CYB5R4: variants seen among roughly 807,000 people sequenced by gnomAD.
The protein encoded by CYB5R4 is cytochrome b5 reductase 4, also known as N-terminal cytochrome b5 and cytochrome b5 oxidoreductase domain-containing protein.
Under a neutral mutation model 70.2 loss-of-function variants are expected in CYB5R4, and 55 were observed. That is an observed-to-expected ratio of 0.78 (90% CI 0.63 to 0.98). The LOEUF is 0.98. Among genes scored for constraint, CYB5R4 ranks in the 50% least tolerant of loss-of-function variants. CYB5R4 has a pLI of 0.00. For synonymous variants in CYB5R4, 197 were observed against 199.5 expected (o/e 0.99, Z 0.11); for missense variants, 562 against 612.6 (o/e 0.92, Z 0.87).
intron 3 of CYB5R4, among the ~76,000 whole-genome samples, chr6:83,905,828 C>T (rs2099463677): frequency 1.3e-5 from 2 of 151,962 alleles, no homozygotes; most frequent in South Asian, 4.1e-4. Flanking sequence ...GTGGTACACG[C>T]TTATGTTGGT....
At chr6:83,892,252 G>A (rs1267952692) in intron 2 of CYB5R4, among the ~76,000 whole-genome samples, 13 of 152,130 alleles carry the variant, frequency 8.5e-5, no homozygotes, top group Non-Finnish European at 5.9e-5. Flanking sequence ...AAGCTGGACT[G>A]GTTGGTTATT....
chr6:83,921,012 A>G, intron 7 of CYB5R4, 70 bp from the exon 8 acceptor site: 1 of 1,190,326 alleles, frequency 8.4e-7, no homozygotes. Flanking sequence ...GATCACCTTA[A>G]AAGTATAGTT....
chr6:83,861,171 A>G (rs2099455870), intron 1 of CYB5R4, among the ~76,000 whole-genome samples: 1 of 152,214 alleles, frequency 6.6e-6, no homozygotes, highest in African/African-American at 2.4e-5. Flanking sequence ...TGTTCTTAGC[A>G]TCCATTTAAA....
chr6:83,930,100 A>G (rs1025160491), intron 10 of CYB5R4, among the ~76,000 whole-genome samples: 1 of 152,216 alleles, frequency 6.6e-6, no homozygotes, highest in Admixed American at 6.5e-5. Flanking sequence ...AAAAAACAGT[A>G]TATTACTAAA....
At chr6:83,937,569 G>T (rs1588582447) in intron 12 of CYB5R4, among the ~76,000 whole-genome samples, 1 of 152,252 alleles carries the variant, frequency 6.6e-6, no homozygotes, top group East Asian at 1.9e-4. Flanking sequence ...GCCCAGGCTG[G>T]AGTGCAGTGG....
intron 2 of CYB5R4, among the ~76,000 whole-genome samples, chr6:83,872,514 A>T: frequency 6.6e-6 from 1 of 152,230 alleles, no homozygotes; most frequent in Non-Finnish European, 1.5e-5. Flanking sequence ...GCAAAAAGTT[A>T]CTAAAAAGTT....
In CYB5R4 at chr6:83,960,954, T is replaced by TG. The variant is rs2099473238; in HGVS notation, c.*1077dup. On this transcript the variant is annotated 3_prime_UTR_variant, in exon 16 of 16. Transcript: ENST00000369681. ...AACTGTTGAATGCATAGGTAGCTAC[T>TG]GTATAAGCTAACTAGGATTTTTCAG... is the stretch of plus-strand genomic sequence containing the variant. 1 of 152,242 alleles carries TG rather than the reference T, an allele frequency of 6.6e-6. No individual in the cohort carries two copies. The highest frequency in any genetic ancestry group is 2.1e-4 in the South Asian group (1 of 4,834). 9.4% of individuals were successfully genotyped at this position (152,242 alleles called of 1,614,324 possible). A position where few individuals can be genotyped will look rare whatever the true frequency, so the allele number is the denominator to read the frequency against.
At position 83,901,691 on chromosome 6, in the gene CYB5R4, G is replaced by A. The variant is rs151112645; in HGVS notation, c.331-7318G>A. 1.8e-3 allele frequency among the ~76,000 whole-genome samples: 252 copies of A among 142,534 alleles called. 1 individual carries two copies. Among genetic ancestry groups the A allele is most frequent in the Middle Eastern group, 0.014 (4 of 284 alleles). The allele number at this position is 142,534 out of a possible 152,430, so 93.5% of individuals were successfully genotyped here. On this transcript the variant is annotated intron_variant, in intron 3 of 15. Transcript: ENST00000369681. Reference sequence around the variant, plus strand: ...CCCTTTTCTTTACATCCTCACCAGCGTCTATTATTTCTTGTTTTTTTTTTT... The same window carrying A: ...CCCTTTTCTTTACATCCTCACCAGCATCTATTATTTCTTGTTTTTTTTTTT...
At position 83,960,610 on chromosome 6, in the gene CYB5R4, A is replaced by G. The variant is rs2099473177; in HGVS notation, c.*732A>G. 1 of 152,184 alleles carries G rather than the reference A, an allele frequency of 6.6e-6. No homozygotes were observed. Among genetic ancestry groups the G allele is most frequent in the Admixed American group, 6.5e-5 (1 of 15,272 alleles). 9.4% of individuals were successfully genotyped at this position (152,184 alleles called of 1,614,324 possible). A position where few individuals can be genotyped will look rare whatever the true frequency, so the allele number is the denominator to read the frequency against. The stretch of plus-strand genomic sequence containing the variant: ...TTTTTACTCTTAGCCAAAAACAAAG[A>G]CATTAGGAAAGAGAGTGAAAGTATA... On this transcript the variant is annotated 3_prime_UTR_variant, in exon 16 of 16. Transcript: ENST00000369681.
intron 2 of CYB5R4, among the ~76,000 whole-genome samples, chr6:83,879,405 G>GC (rs1386070907): frequency 6.6e-6 from 1 of 152,128 alleles, no homozygotes; most frequent in Non-Finnish European, 1.5e-5. Context: ...TAGTGTCAGT[G>GC]CAGGATAAGG....
chr6:83,941,355 A>G (rs2099469731), intron 14 of CYB5R4, among the ~76,000 whole-genome samples: 1 of 152,228 alleles, frequency 6.6e-6, no homozygotes. Flanking sequence ...TTTTCACAAA[A>G]AGTGAATTCA....
intron 3 of CYB5R4, among the ~76,000 whole-genome samples, chr6:83,906,246 T>C (rs1224872673): frequency 6.6e-6 from 1 of 152,190 alleles, no homozygotes; most frequent in African/African-American, 2.4e-5. Context: ...CCTCAGCCCA[T>C]GGTGCGGTAG....
chr6:83,918,167 G>A (rs2099465807), intron 6 of CYB5R4, 102 bp downstream of exon 6: 7 of 779,964 alleles, frequency 9.0e-6, no homozygotes, highest in Non-Finnish European at 8.6e-6. Context: ...ATTGCTTACT[G>A]TTAGTCATGC....
At position 83,904,518 on chromosome 6, in the gene CYB5R4, A is replaced by AAATGTTTTAT. The variant is rs1334642035; in HGVS notation, c.331-4488_331-4479dup. ...AATGTGTATTCTGCAATCGTTGGAT[A>AAATGTTTTAT]AATGTTTTATAAATGTCTGCTAGGT... On this transcript the variant is annotated intron_variant, in intron 3 of 15. Coordinates refer to ENST00000369681, the MANE Select transcript of CYB5R4 (RefSeq NM_016230.4). 4.6e-5 allele frequency among the ~76,000 whole-genome samples: 7 copies of AAATGTTTTAT among 152,228 alleles called. No homozygotes were observed. In the South Asian group the frequency reaches 1.4e-3, roughly 31 times the overall value.
intron 3 of CYB5R4, among the ~76,000 whole-genome samples, chr6:83,906,056 G>T (rs748098676): frequency 1.3e-5 from 2 of 152,172 alleles, no homozygotes; most frequent in Non-Finnish European, 2.9e-5. Context: ...GCCATGGCAG[G>T]CATGGTAGGC....
At chr6:83,909,133 C>A in intron 4 of CYB5R4, 43 bp downstream of exon 4, 1 of 1,523,600 alleles carries the variant, frequency 6.6e-7, no homozygotes, top group Non-Finnish European at 9.1e-7. Context: ...GTGTGGTGCA[C>A]ATGTATTTTT....
chr6:83,921,894 A>G (rs2099466439), intron 8 of CYB5R4, among the ~76,000 whole-genome samples: 1 of 152,264 alleles, frequency 6.6e-6, no homozygotes, highest in Non-Finnish European at 1.5e-5. Flanking sequence ...TATAAGTTCC[A>G]TAGGGGCAGA....
intron 10 of CYB5R4, among the ~76,000 whole-genome samples, chr6:83,928,539 G>T (rs936263331): frequency 1.3e-5 from 2 of 152,126 alleles, no homozygotes; most frequent in Admixed American, 6.5e-5. Flanking sequence ...GGACTTTCCA[G>T]GTGGAGCTAC....
chr6:83,886,170 G>C (rs11969507), intron 2 of CYB5R4, among the ~76,000 whole-genome samples: 4,231 of 152,212 alleles, frequency 0.028, 196 homozygotes, highest in African/African-American at 0.096. Flanking sequence ...CCATGGTAAG[G>C]GGGCTGAGCA....
Sources: gnomAD v4.1 joint callset for allele counts (sites outside exome capture counted in the v4.1 genomes callset) on GRCh38, gnomAD v4.1.1 for gene constraint, MANE v1.5 for transcripts, NCBI Gene and HGNC (gene_info 2026-07-23, HGNC 2026-07-21) for gene names.